Variants in CMIP observed in about 807,000 individuals in gnomAD.
CMIP encodes the protein c-Maf inducing protein, also known as C-Maf-inducing protein.
In CMIP, 13 loss-of-function variants were observed where a neutral mutation model predicts 97.3. That is an observed-to-expected ratio of 0.13 (90% CI 0.09 to 0.21). The LOEUF (loss-of-function observed/expected upper bound fraction) is 0.21. CMIP is among the 10% of genes least tolerant of loss of function. The pLI, the probability that CMIP is intolerant of heterozygous loss-of-function variation, is 1.00. For missense variants in CMIP, 847 were observed against 1,024.9 expected, an observed-to-expected ratio of 0.83 and a Z score of 2.37; for synonymous variants, 538 against 436.3, an observed-to-expected ratio of 1.23 and a Z score of -2.91.
At position 81,616,760 on chromosome 16, in the gene CMIP, G is replaced by T. The variant is rs1434563706; in HGVS notation, c.427-4116G>T. ...TTGGAAACCCAGATGGCTCTGCCTG[G>T]AAGGATGGGGCTGAGAAGAGACTGA... On this transcript the variant is annotated intron_variant, in intron 2 of 20. Coordinates refer to ENST00000537098, the MANE Select transcript of CMIP (RefSeq NM_198390.3). This position sits in a 1 kb window ranked among gnomAD's most constrained non-coding sequence, Gnocchi z 4.7. Among the ~76,000 whole-genome samples the T allele has an allele frequency of 3.9e-5, 6 of 152,228 alleles. No homozygotes were observed. The highest frequency in any genetic ancestry group is 3.9e-4 in the Admixed American group (6 of 15,286).
rs1280795830 is a variant in CMIP, at chr16:81,476,222, T to C, written c.300+30681T>C. ...TTTGTGTTGGGTCCAGCATTTGCCA[T>C]GGACAAGATGCCGGGACCTGTATGC... is the stretch of plus-strand genomic sequence containing the variant. On this transcript the variant is annotated intron_variant, in intron 1 of 20. Coordinates refer to ENST00000537098, the MANE Select transcript of CMIP (RefSeq NM_198390.3). 4 of 1,400,826 alleles carry C rather than the reference T, an allele frequency of 2.9e-6. No individual in the cohort carries two copies. In the African/African-American group the frequency reaches 5.7e-5, roughly 20 times the overall value. 86.8% of individuals were successfully genotyped at this position (1,400,826 alleles called of 1,614,324 possible).
At chr16:81,661,383 G>A (rs1033298184) in intron 6 of CMIP, among the ~76,000 whole-genome samples, 9 of 152,272 alleles carry the variant, frequency 5.9e-5, no homozygotes, top group Non-Finnish European at 8.8e-5. Flanking sequence ...ATCCGCTGCC[G>A]GGCACCCGGC....
At chr16:81,478,421 G>A (rs1271247747) in intron 1 of CMIP, among the ~76,000 whole-genome samples, 1 of 152,158 alleles carries the variant, frequency 6.6e-6, no homozygotes, top group Non-Finnish European at 1.5e-5. Context: ...GCAGCCTGCC[G>A]GAGAAGATAG....
At chr16:81,633,859 GC>G (rs1291171462) in intron 3 of CMIP, among the ~76,000 whole-genome samples, 1 of 152,226 alleles carries the variant, frequency 6.6e-6, no homozygotes, top group African/African-American at 2.4e-5. Flanking sequence ...GTCGGGGCCA[GC>G]CTGACACCGG....
At chr16:81,522,678 T>C (rs1168889100) in intron 1 of CMIP, among the ~76,000 whole-genome samples, 1 of 152,192 alleles carries the variant, frequency 6.6e-6, no homozygotes, top group East Asian at 1.9e-4. Context: ...ATTAGTATCA[T>C]AAAATCGCAT....
intron 1 of CMIP, among the ~76,000 whole-genome samples, chr16:81,598,034 C>G (rs1303981757): frequency 1.3e-5 from 2 of 152,096 alleles, no homozygotes; most frequent in Non-Finnish European, 2.9e-5. Context: ...CAGGACATAA[C>G]TGTTCCCCTG....
Position 81,504,199 on chromosome 16 carries a change from G to A in CMIP, c.300+58658G>A, listed in dbSNP as rs547841305. On this transcript the variant is annotated intron_variant, in intron 1 of 20. Transcript: ENST00000537098. The stretch of plus-strand genomic sequence containing the variant: ...AAATTAGCCTGGCGTGGTCGTGGGC[G>A]CCAGTAATCCCAAGTACTTGGGAGG... Among the ~76,000 whole-genome samples the A allele has an allele frequency of 7.2e-5, 11 of 152,198 alleles. No homozygotes were observed. In the South Asian group the frequency reaches 1.0e-3, roughly 14 times the overall value.
chr16:81,688,263 C>G (rs1205674135), intron 10 of CMIP, among the ~76,000 whole-genome samples: 1 of 152,210 alleles, frequency 6.6e-6, no homozygotes, highest in Non-Finnish European at 1.5e-5. Context: ...AGGAAGGAGG[C>G]TCTTTCATGA....
intron 3 of CMIP, among the ~76,000 whole-genome samples, chr16:81,629,366 G>A (rs553959752): frequency 6.6e-6 from 1 of 152,052 alleles, no homozygotes; most frequent in South Asian, 2.1e-4. Flanking sequence ...TTAAACTTGA[G>A]GTTTGGAAGC....
At chr16:81,672,153 G>T in intron 9 of CMIP, 83 bp downstream of exon 9, 1 of 787,440 alleles carries the variant, frequency 1.3e-6, no homozygotes, top group South Asian at 1.6e-5. Context: ...ACCAAGAACT[G>T]ACCAGGCCAG....
At chr16:81,521,404 T>C (rs1250674756) in intron 1 of CMIP, among the ~76,000 whole-genome samples, 1 of 151,794 alleles carries the variant, frequency 6.6e-6, no homozygotes, top group African/African-American at 2.4e-5. Context: ...AAACACGAGC[T>C]GCCCCCGCTG....
intron 2 of CMIP, among the ~76,000 whole-genome samples, chr16:81,612,727 A>T (rs1597146468): frequency 6.6e-6 from 1 of 152,202 alleles, no homozygotes; most frequent in Admixed American, 6.5e-5. Context: ...TAACACCAGA[A>T]GTCGGAAGCC....
chr16:81,623,510 C>T (rs1186864097), intron 3 of CMIP, among the ~76,000 whole-genome samples: 2 of 152,160 alleles, frequency 1.3e-5, no homozygotes, highest in Non-Finnish European at 2.9e-5. Context: ...CAGCATGCTT[C>T]AGACACAGTG....
chr16:81,592,604 C>T (rs1014479461), intron 1 of CMIP, among the ~76,000 whole-genome samples: 4 of 152,216 alleles, frequency 2.6e-5, no homozygotes, highest in African/African-American at 7.2e-5. Flanking sequence ...TCCTGGGGCT[C>T]CCAGGCCAGT....
Position 81,671,974 on chromosome 16 carries a change from G to T in CMIP, c.938G>T (p.Gly313Val). 6.3e-7 allele frequency: 1 copy of T among 1,580,184 alleles called. No individual in the cohort carries two copies. The highest frequency in any genetic ancestry group is 8.6e-7 in the Non-Finnish European group (1 of 1,159,594). ...VVKKFIQSMH[G>V]PTGHCPHPRV... The stretch of plus-strand genomic sequence containing the variant: ...CCTCTGCTTTTTTCCAGCATGCACG[G>T]CCCCACAGGGCACTGCCCCCACCCC... Residue 313 changes from glycine (G) to valine (V), a missense_variant, in exon 9 of 21, where the codon GGC becomes GTC. This residue lies in a region of CMIP where 285 missense variants were observed against 392.2 expected (regional missense o/e 0.73). Transcript: ENST00000537098.
At chr16:81,468,411 C>A (rs1037867341) in intron 1 of CMIP, among the ~76,000 whole-genome samples, 5 of 152,252 alleles carry the variant, frequency 3.3e-5, no homozygotes, top group Non-Finnish European at 7.3e-5. Flanking sequence ...CCTCTCCTTG[C>A]GGGTAAATTG....
intron 1 of CMIP, among the ~76,000 whole-genome samples, chr16:81,493,474 C>G (rs1218519910): frequency 6.6e-6 from 1 of 152,204 alleles, no homozygotes; most frequent in Admixed American, 6.5e-5. Flanking sequence ...AAATATAAAG[C>G]ACTTGGAGTG....
rs1567618888 is a variant in CMIP at position 81,627,372 on chromosome 16, G to A, written c.477+6446G>A. Among the ~76,000 whole-genome samples, 1 of 152,044 alleles carries A rather than the reference G, an allele frequency of 6.6e-6. No individual in the cohort carries two copies. Among genetic ancestry groups the A allele is most frequent in the Admixed American group, 6.5e-5 (1 of 15,272 alleles). Reference sequence around the variant, plus strand: ...GGGCCGTGTGAGGATCGAAGGCTGTGTTGTTTGTGCAGCAGGCAGAAGGGA... The same window carrying A: ...GGGCCGTGTGAGGATCGAAGGCTGTATTGTTTGTGCAGCAGGCAGAAGGGA... On this transcript the variant is annotated intron_variant, in intron 3 of 20. Transcript: ENST00000537098. The surrounding 1 kb of genome is among the most constrained non-coding windows in gnomAD (Gnocchi z 4.6).
rs1906347910 is a variant in CMIP, at chr16:81,453,288, G to A, written c.300+7747G>A. On this transcript the variant is annotated intron_variant, in intron 1 of 20. Transcript: ENST00000537098. This position sits in a 1 kb window ranked among gnomAD's most constrained non-coding sequence, Gnocchi z 4.0. ...CTGGGCGAACTCTTTTTGGAGGGAA[G>A]CACGTGGTCTGGATCGTCTGGTCCC... Among the ~76,000 whole-genome samples, 1 of 152,200 alleles carries A rather than the reference G, an allele frequency of 6.6e-6. No individual in the cohort carries two copies. The highest frequency in any genetic ancestry group is 2.4e-5 in the African/African-American group (1 of 41,454).
Sources: gnomAD v4.1 joint callset for allele counts (sites outside exome capture counted in the v4.1 genomes callset) on GRCh38, gnomAD v4.1.1 for gene constraint, gnomAD v4.1.1 regional missense constraint, Gnocchi (gnomAD v3.1) non-coding constraint, MANE v1.5 for transcripts, NCBI Gene and HGNC (gene_info 2026-07-23, HGNC 2026-07-21) for gene names.